LARP1B: variants seen among roughly 807,000 people sequenced by gnomAD.
The protein encoded by LARP1B is La ribonucleoprotein 1B, also known as la-related protein 1B.
In LARP1B, 76 loss-of-function variants were observed where a neutral mutation model predicts 114.2. The ratio of observed to expected loss-of-function variants is 0.67; its 90% confidence interval spans 0.55 to 0.81. The LOEUF is 0.81. Ranked by LOEUF, LARP1B falls within the 30% of genes least tolerant of loss-of-function variation. LARP1B has a pLI of 0.00. For missense variants in LARP1B, 1,014 were observed against 1,075.8 expected (o/e 0.94, Z 0.80); for synonymous variants, 345 against 348.0 (o/e 0.99, Z 0.10).
intron 15 of LARP1B, among the ~76,000 whole-genome samples, chr4:128,196,599 G>T (rs910438008): frequency 3.5e-5 from 5 of 144,162 alleles, no homozygotes; most frequent in African/African-American, 1.3e-4. Context: ...TTTGTTTTCT[G>T]TTTTTTTTTT....
intron 5 of LARP1B, among the ~76,000 whole-genome samples, chr4:128,083,758 C>G (rs1386142682): frequency 6.8e-6 from 1 of 147,546 alleles, no homozygotes; most frequent in African/African-American, 2.5e-5. Flanking sequence ...TGGGCAGAGG[C>G]GCCCCTCACC....
chr4:128,096,055 A>G (rs1777858962), intron 7 of LARP1B, among the ~76,000 whole-genome samples: 3 of 141,956 alleles, frequency 2.1e-5, no homozygotes, highest in South Asian at 4.4e-4. Flanking sequence ...GTGCAGTGGC[A>G]CGATCTCAGC....
At chr4:128,148,116 T>C (rs1731130905) in intron 11 of LARP1B, among the ~76,000 whole-genome samples, 2 of 152,150 alleles carry the variant, frequency 1.3e-5, no homozygotes, top group Non-Finnish European at 2.9e-5. Context: ...CGTATCACTT[T>C]ATGCATAGCC....
At chr4:128,086,308 TTGTCATAGTATTCTTTGGCATTTGCA>T (rs1458546747) in intron 5 of LARP1B, among the ~76,000 whole-genome samples, 1 of 151,902 alleles carries the variant, frequency 6.6e-6, no homozygotes, top group Non-Finnish European at 1.5e-5. Flanking sequence ...CCCAGCCGCT[TTGTCATAGTATTCTTTGGCATTTGCA>T]TGTTCCTTTT....
At chr4:128,176,268 T>TAG (rs1746051931) in intron 12 of LARP1B, among the ~76,000 whole-genome samples, 1 of 114,346 alleles carries the variant, frequency 8.7e-6, no homozygotes, top group African/African-American at 4.1e-5. Context: ...TATATACACA[T>TAG]ATGTGTGTGT....
chr4:128,115,870 G>C (rs1785620946), intron 10 of LARP1B, among the ~76,000 whole-genome samples: 1 of 152,152 alleles, frequency 6.6e-6, no homozygotes, highest in Admixed American at 6.6e-5. Flanking sequence ...TATTGTCCAG[G>C]CTGGTCTCAA....
chr4:128,151,206 G>A (rs976534419), intron 11 of LARP1B, among the ~76,000 whole-genome samples: 2 of 152,016 alleles, frequency 1.3e-5, no homozygotes, highest in Non-Finnish European at 2.9e-5. Context: ...TCATTTGAAA[G>A]TTAGTTGTAG....
intron 7 of LARP1B, among the ~76,000 whole-genome samples, chr4:128,096,247 C>T (rs1777960315): frequency 1.3e-5 from 2 of 152,150 alleles, no homozygotes; most frequent in South Asian, 4.1e-4. Context: ...CCCGCCTCGG[C>T]CTCCCAAAGT....
At chr4:128,118,232 AT>A (rs771418969) in intron 10 of LARP1B, among the ~76,000 whole-genome samples, 3,413 of 93,468 alleles carry the variant, frequency 0.037, 127 homozygotes, top group African/African-American at 0.12. Flanking sequence ...AGTCAGGTCT[AT>A]TTTTTTTTTT....
At chr4:128,123,527 A>G in intron 11 of LARP1B, 1 of 454,830 alleles carries the variant, frequency 2.2e-6, no homozygotes, top group Non-Finnish European at 2.9e-6. Context: ...ATAATTCTAT[A>G]TATTTTACTT....
At chr4:128,146,826 T>G (rs986626547) in intron 11 of LARP1B, among the ~76,000 whole-genome samples, 5 of 152,190 alleles carry the variant, frequency 3.3e-5, no homozygotes, top group African/African-American at 1.2e-4. Flanking sequence ...TTTGAGAGTT[T>G]TAGGTTGGCA....
intron 11 of LARP1B, among the ~76,000 whole-genome samples, chr4:128,125,370 G>T (rs931630072): frequency 6.6e-6 from 1 of 152,036 alleles, no homozygotes; most frequent in Non-Finnish European, 1.5e-5. Context: ...AAAATCTATG[G>T]GAGAAAAAAG....
intron 12 of LARP1B, among the ~76,000 whole-genome samples, chr4:128,164,983 TA>T (rs199894929): frequency 8.7e-5 from 13 of 150,180 alleles, no homozygotes; most frequent in South Asian, 2.1e-4. Context: ...TAGGAAAAAA[TA>T]AAAAAATAAA....
At chr4:128,192,696 A>C (rs1752651264) in intron 15 of LARP1B, among the ~76,000 whole-genome samples, 1 of 152,234 alleles carries the variant, frequency 6.6e-6, no homozygotes, top group African/African-American at 2.4e-5. Flanking sequence ...CCATCTTTTA[A>C]GTTGAGGACC....
intron 17 of LARP1B, among the ~76,000 whole-genome samples, 170 bp downstream of exon 17, chr4:128,200,835 C>A (rs1357446466): frequency 6.6e-6 from 1 of 152,104 alleles, no homozygotes; most frequent in Admixed American, 6.5e-5. Flanking sequence ...TAGAGGGAGA[C>A]CTGTATTAGT....
intron 15 of LARP1B, among the ~76,000 whole-genome samples, chr4:128,188,600 T>G (rs1041987059): frequency 6.6e-5 from 10 of 152,232 alleles, no homozygotes; most frequent in African/African-American, 2.4e-4. Flanking sequence ...TTAGGTTGCT[T>G]ATTTGAAACC....
intron 5 of LARP1B, among the ~76,000 whole-genome samples, chr4:128,087,484 A>G (rs939402109): frequency 2.6e-5 from 4 of 152,242 alleles, no homozygotes; most frequent in African/African-American, 7.2e-5. Context: ...CATACAAAAA[A>G]TTGAAAGAAT....
At chr4:128,163,665 T>TA (rs1278988121) in intron 12 of LARP1B, among the ~76,000 whole-genome samples, 1 of 152,200 alleles carries the variant, frequency 6.6e-6, no homozygotes, top group Non-Finnish European at 1.5e-5. Flanking sequence ...AGCTGGTTCC[T>TA]TAACATTCTT....
At chr4:128,172,926 A>G (rs1049264709) in intron 12 of LARP1B, among the ~76,000 whole-genome samples, 3 of 133,556 alleles carry the variant, frequency 2.2e-5, no homozygotes, top group African/African-American at 3.3e-5. Context: ...GTCTATTTTT[A>G]ATCCCATCCA....
Sources: gnomAD v4.1 joint callset for allele counts (sites outside exome capture counted in the v4.1 genomes callset) on GRCh38, gnomAD v4.1.1 for gene constraint, MANE v1.5 for transcripts, NCBI Gene and HGNC (gene_info 2026-07-23, HGNC 2026-07-21) for gene names.